The following LDB2 variants were observed in gnomAD, a reference collection of about 807,000 sequenced individuals.
The protein encoded by LDB2 is LIM domain-binding protein 2.
In LDB2, 12 loss-of-function variants were observed where a neutral mutation model predicts 44.3. The observed-to-expected ratio is 0.27, with a 90% CI of 0.17 to 0.44. The LOEUF is 0.44. Ranked by LOEUF, LDB2 falls within the 20% of genes least tolerant of loss-of-function variation. The pLI is 1.00. For missense variants in LDB2, 344 were observed against 473.5 expected (o/e 0.73, Z 2.54); for synonymous variants, 164 against 174.8 (o/e 0.94, Z 0.49).
intron 1 of LDB2, among the ~76,000 whole-genome samples, chr4:16,810,086 C>T (rs947237863): frequency 6.6e-6 from 1 of 152,128 alleles, no homozygotes; most frequent in Non-Finnish European, 1.5e-5. Context: ...GCCTAATGTT[C>T]ATGGAGCAGC....
At chr4:16,561,235 A>G (rs1742090913) in intron 5 of LDB2, among the ~76,000 whole-genome samples, 1 of 152,192 alleles carries the variant, frequency 6.6e-6, no homozygotes, top group African/African-American at 2.4e-5. Flanking sequence ...AGGCAGGAGA[A>G]GGAAATAAAG....
chr4:16,717,621 C>T (rs1029498708), intron 2 of LDB2, among the ~76,000 whole-genome samples: 2 of 152,152 alleles, frequency 1.3e-5, no homozygotes, highest in South Asian at 2.1e-4. Context: ...CATTTAGCTG[C>T]CACACAGACC....
intron 3 of LDB2, among the ~76,000 whole-genome samples, chr4:16,590,935 T>G (rs555083273): frequency 2.6e-5 from 4 of 152,142 alleles, no homozygotes; most frequent in African/African-American, 9.7e-5. Flanking sequence ...TAAAAAGAGT[T>G]GCATGGAGAT....
At chr4:16,802,393 G>A (rs1318315649) in intron 1 of LDB2, among the ~76,000 whole-genome samples, 1 of 152,168 alleles carries the variant, frequency 6.6e-6, no homozygotes, top group Middle Eastern at 3.2e-3. Context: ...CAAACAAGCA[G>A]CCTGGAGTGA....
intron 2 of LDB2, among the ~76,000 whole-genome samples, chr4:16,659,229 C>G (rs1057336762): frequency 6.6e-6 from 1 of 152,134 alleles, no homozygotes; most frequent in African/African-American, 2.4e-5. Flanking sequence ...ATGTACTTGG[C>G]AGCTTGATCT....
chr4:16,612,449 C>T (rs975236584), intron 2 of LDB2, among the ~76,000 whole-genome samples: 1 of 151,740 alleles, frequency 6.6e-6, no homozygotes, highest in Non-Finnish European at 1.5e-5. Context: ...GAAAAATTAA[C>T]AAAACAGATT....
intron 2 of LDB2, among the ~76,000 whole-genome samples, chr4:16,718,232 C>G (rs1204048209): frequency 6.6e-6 from 1 of 151,866 alleles, no homozygotes; most frequent in African/African-American, 2.4e-5. Flanking sequence ...ACAAATAAGA[C>G]TTGAGTTCTG....
intron 2 of LDB2, among the ~76,000 whole-genome samples, chr4:16,607,223 C>T (rs1432928912): frequency 6.6e-6 from 1 of 152,206 alleles, no homozygotes; most frequent in African/African-American, 2.4e-5. Flanking sequence ...CCATTTCAAT[C>T]TCATCTACTT....
At chr4:16,835,709 C>A (rs990206096) in intron 1 of LDB2, among the ~76,000 whole-genome samples, 5 of 152,220 alleles carry the variant, frequency 3.3e-5, no homozygotes, top group Non-Finnish European at 7.3e-5. Context: ...ATTTTATCTT[C>A]TCATCACCAA....
chr4:16,661,814 A>C (rs959839579), intron 2 of LDB2, among the ~76,000 whole-genome samples: 3 of 152,186 alleles, frequency 2.0e-5, no homozygotes, highest in Non-Finnish European at 2.9e-5. Context: ...GAGAGCCAGA[A>C]GCATTTAATT....
At chr4:16,598,317 A>G (rs981195358) in intron 2 of LDB2, among the ~76,000 whole-genome samples, 7 of 152,190 alleles carry the variant, frequency 4.6e-5, no homozygotes, top group African/African-American at 1.7e-4. Context: ...TAAGACTGCC[A>G]TACCATGAGA....
intron 1 of LDB2, among the ~76,000 whole-genome samples, chr4:16,794,055 C>T (rs949016790): frequency 1.3e-5 from 2 of 152,134 alleles, no homozygotes; most frequent in African/African-American, 4.8e-5. Context: ...TGTTTGCATC[C>T]TTCCAGGGGA....
chr4:16,502,379 T>A lies in LDB2; in HGVS notation c.*264A>T. On this transcript the variant is annotated 3_prime_UTR_variant, in exon 8 of 8. Coordinates refer to ENST00000304523, the MANE Select transcript of LDB2 (RefSeq NM_001290.5). ...AACCGTGCCAGAAGATGCGCTAGAG[T>A]TTTCTCTCATTTTAATTACAATCAG... 4.5e-6 allele frequency: 2 copies of A among 444,050 alleles called. No individual in the cohort carries two copies. Among genetic ancestry groups the A allele is most frequent in the Non-Finnish European group, 4.0e-6 (1 of 248,534 alleles). 27.5% of individuals were successfully genotyped at this position (444,050 alleles called of 1,614,324 possible).
chr4:16,617,001 C>T (rs1727516209), intron 2 of LDB2, among the ~76,000 whole-genome samples: 4 of 152,160 alleles, frequency 2.6e-5, no homozygotes, highest in South Asian at 4.1e-4. Flanking sequence ...TTTCCCTCCT[C>T]CCCTTTCCTC....
chr4:16,774,463 T>C (rs1771458018), intron 1 of LDB2, among the ~76,000 whole-genome samples: 1 of 152,210 alleles, frequency 6.6e-6, no homozygotes, highest in Non-Finnish European at 1.5e-5. Context: ...GACTGTGCAC[T>C]GCATGGATGG....
At position 16,795,897 on chromosome 4, in the gene LDB2, C is replaced by T. The variant is rs572546855; in HGVS notation, c.133-36637G>A. Among the ~76,000 whole-genome samples the T allele has an allele frequency of 2.0e-5, 3 of 152,236 alleles. No individual in the cohort carries two copies. The East Asian group carries it at 5.8e-4, about 29-fold the overall frequency. On this transcript the variant is annotated intron_variant, in intron 1 of 7. Transcript: ENST00000304523. The stretch of plus-strand genomic sequence containing the variant: ...TATAGTCCCACTTAGCAAATTGGAT[C>T]CCATGGAATATTAACCTTCTGAGGT...
At chr4:16,628,126 A>G (rs759801719) in intron 2 of LDB2, among the ~76,000 whole-genome samples, 8 of 152,254 alleles carry the variant, frequency 5.3e-5, no homozygotes, top group South Asian at 2.1e-4. Flanking sequence ...GTTTGGGTGC[A>G]GTGAAACTGG....
At chr4:16,623,980 G>A (rs1729601749) in intron 2 of LDB2, among the ~76,000 whole-genome samples, 1 of 152,102 alleles carries the variant, frequency 6.6e-6, no homozygotes, top group Non-Finnish European at 1.5e-5. Context: ...TATGCTGTTC[G>A]CAACAGCCTC....
chr4:16,857,381 C>T (rs1312441997), intron 1 of LDB2, among the ~76,000 whole-genome samples: 1 of 152,184 alleles, frequency 6.6e-6, no homozygotes, highest in South Asian at 2.1e-4. Context: ...AGTCTCCAGA[C>T]GGATAGCCCT....
Sources: allele counts gnomAD v4.1 joint callset (sites outside exome capture counted in the v4.1 genomes callset), GRCh38; gene constraint gnomAD v4.1.1; transcripts MANE v1.5; gene names NCBI Gene and HGNC (gene_info 2026-07-23, HGNC 2026-07-21).